Variants in CENPC observed in about 807,000 individuals in gnomAD.
CENPC encodes the protein CENP-C 1.
In CENPC, 63 loss-of-function variants were observed where a neutral mutation model predicts 112.1. The ratio of observed to expected loss-of-function variants is 0.56; its 90% CI spans 0.46 to 0.69. CENPC has a LOEUF of 0.69. CENPC is among the 30% of genes least tolerant of loss of function. CENPC has a pLI of 0.00. For synonymous variants in CENPC, 333 were observed against 367.6 expected (o/e 0.91, Z 1.08); for missense variants, 1,000 against 1,103.8 (o/e 0.91, Z 1.33).
chr4:67,519,493 T>C lies in CENPC; in HGVS notation c.341A>G (p.His114Arg), dbSNP rs183104004. The C allele has an allele frequency of 2.3e-4, 357 of 1,575,806 alleles. No homozygotes were observed. The African/African-American group carries it at 3.3e-3, about 15-fold the overall frequency. Residue 114 changes from histidine to arginine, a missense_variant, in exon 6 of 19, where the codon CAT (histidine) becomes CGT (arginine). Physicochemically the swap from His to Arg is conservative, Grantham distance 29. Coordinates refer to ENST00000273853, the MANE Select transcript of CENPC (RefSeq NM_001812.4). ...SEATNRSVQA[H>R]EVHQKILATD... Reference sequence around the variant, plus strand: ...TGCCAGAATTTTCTGATGAACTTCATGGGCCTGAACTAGAAGAAAATTATA... The same window carrying C: ...TGCCAGAATTTTCTGATGAACTTCACGGGCCTGAACTAGAAGAAAATTATA...
chr4:67,529,867 CAA>C (rs1027894161), intron 5 of CENPC, among the ~76,000 whole-genome samples: 3 of 151,952 alleles, frequency 2.0e-5, no homozygotes, highest in African/African-American at 7.3e-5. Flanking sequence ...CTATTAGTAA[CAA>C]GAGTATTGTG....
intron 9 of CENPC, among the ~76,000 whole-genome samples, chr4:67,510,028 C>T (rs536769603): frequency 1.6e-3 from 237 of 152,192 alleles, no homozygotes; most frequent in Non-Finnish European, 2.6e-3. Context: ...CAGTAATGAA[C>T]AATCTACAGT....
rs1726160566 is a variant in CENPC, at chr4:67,519,462, A to G, written c.372T>C (p.Asp124=). The G allele has an allele frequency of 1.9e-6, 3 of 1,597,558 alleles. No individual in the cohort carries two copies. Among genetic ancestry groups the G allele is most frequent in the African/African-American group, 1.3e-5 (1 of 74,618 alleles). The change falls in exon 6 of 19, where the codon GAT becomes GAC. Residue 124 remains aspartate, a synonymous_variant. Coordinates refer to ENST00000273853, the MANE Select transcript of CENPC (RefSeq NM_001812.4). ...AGTCAGGTGTATTTTTGGAACTAAC[A>G]TCAGTTGCCAGAATTTTCTGATGAA... ...HEVHQKILAT[D]VSSKNTPDSK...
chr4:67,488,503 T>C (rs554041524), intron 17 of CENPC, among the ~76,000 whole-genome samples: 1 of 152,140 alleles, frequency 6.6e-6, no homozygotes, highest in African/African-American at 2.4e-5. Flanking sequence ...TTACAGGGTA[T>C]GAATACTTTT....
At chr4:67,480,532 A>T (rs560267503) in intron 17 of CENPC, among the ~76,000 whole-genome samples, 1 of 152,200 alleles carries the variant, frequency 6.6e-6, no homozygotes. Context: ...GTCAACAACA[A>T]CAAAAAAGTC....
At chr4:67,480,438 C>T (rs1211298621) in intron 17 of CENPC, among the ~76,000 whole-genome samples, 1 of 152,050 alleles carries the variant, frequency 6.6e-6, no homozygotes. Flanking sequence ...AAATACACAA[C>T]CTTCTTAGAT....
chr4:67,527,846 G>A (rs1726429689), intron 5 of CENPC, among the ~76,000 whole-genome samples: 1 of 151,616 alleles, frequency 6.6e-6, no homozygotes, highest in Non-Finnish European at 1.5e-5. Flanking sequence ...GCTAATAATA[G>A]TAAGAAAAGG....
chr4:67,528,544 C>T (rs551956020), intron 5 of CENPC, among the ~76,000 whole-genome samples: 157 of 152,228 alleles, frequency 1.0e-3, no homozygotes, highest in African/African-American at 3.4e-3. Context: ...TTATAAATAC[C>T]TCATGTAAGT....
intron 7 of CENPC, among the ~76,000 whole-genome samples, chr4:67,517,444 G>T (rs965897065): frequency 6.6e-6 from 1 of 151,518 alleles, no homozygotes; most frequent in Non-Finnish European, 1.5e-5. Flanking sequence ...TTACAGACAT[G>T]AGCCACCGCG....
chr4:67,535,349 G>A (rs1190168731), intron 4 of CENPC, among the ~76,000 whole-genome samples: 1 of 151,692 alleles, frequency 6.6e-6, no homozygotes, highest in Non-Finnish European at 1.5e-5. Context: ...AGAAATAAGA[G>A]TTGCAATTCA....
chr4:67,496,821 ACT>A (rs1725443806), intron 12 of CENPC, among the ~76,000 whole-genome samples: 2 of 151,988 alleles, frequency 1.3e-5, no homozygotes, highest in South Asian at 2.1e-4. Flanking sequence ...TGATTTGTAC[ACT>A]CTAAGTGGAT....
At chr4:67,518,651 T>TA (rs1726130178) in intron 6 of CENPC, among the ~76,000 whole-genome samples, 1 of 152,216 alleles carries the variant, frequency 6.6e-6, no homozygotes, top group Non-Finnish European at 1.5e-5. Context: ...AGGGCAATCT[T>TA]AGAGCACTGT....
At chr4:67,514,731 T>A in intron 7 of CENPC, 44 bp from the exon 8 acceptor site, 1 of 1,486,806 alleles carries the variant, frequency 6.7e-7, no homozygotes, top group Non-Finnish European at 9.0e-7. Context: ...AAATAAAGCT[T>A]TTATATTTGT....
At chr4:67,505,120 G>C in intron 12 of CENPC, 85 bp downstream of exon 12, 1 of 933,822 alleles carries the variant, frequency 1.1e-6, no homozygotes, top group Non-Finnish European at 1.7e-6. Context: ...CTCGCCATCA[G>C]TGACAATGTA....
intron 17 of CENPC, among the ~76,000 whole-genome samples, chr4:67,477,072 G>T (rs1342352983): frequency 1.3e-5 from 2 of 152,082 alleles, no homozygotes; most frequent in Non-Finnish European, 2.9e-5. Flanking sequence ...GCACCTGATG[G>T]TCTTTCTCTA....
At chr4:67,545,114 G>A (rs1235829363) in intron 1 of CENPC, among the ~76,000 whole-genome samples, 2 of 152,142 alleles carry the variant, frequency 1.3e-5, no homozygotes, top group African/African-American at 4.8e-5. Context: ...CGTAGGCACA[G>A]ACGAAATGAC....
intron 4 of CENPC, among the ~76,000 whole-genome samples, chr4:67,533,846 T>C (rs764725472): frequency 6.6e-6 from 1 of 151,944 alleles, no homozygotes; most frequent in Non-Finnish European, 1.5e-5. Context: ...AAGATCAGCC[T>C]GGGAAACTTA....
chr4:67,491,964 A>T (rs1191250751), intron 16 of CENPC, among the ~76,000 whole-genome samples: 3 of 152,174 alleles, frequency 2.0e-5, no homozygotes, highest in African/African-American at 7.2e-5. Context: ...CCAGAGGACA[A>T]GTCCGGGGTG....
chr4:67,520,109 T>G (rs1441757287), intron 5 of CENPC, among the ~76,000 whole-genome samples: 1 of 151,774 alleles, frequency 6.6e-6, no homozygotes, highest in Non-Finnish European at 1.5e-5. Context: ...AAAGACAGGG[T>G]GGAGGCTGGG....
Sources: gnomAD v4.1 joint callset for allele counts (sites outside exome capture counted in the v4.1 genomes callset) on GRCh38, gnomAD v4.1.1 for gene constraint, MANE v1.5 for transcripts, NCBI Gene and HGNC (gene_info 2026-07-23, HGNC 2026-07-21) for gene names.